UGT1A7: variants seen among roughly 807,000 people sequenced by gnomAD.
UGT1A7 encodes UDP glucuronosyltransferase family 1 member A7, also known as UDP-glucuronosyltransferase 1A7.
In UGT1A7, 33 loss-of-function variants were observed where a neutral mutation model predicts 45.6. That is an observed-to-expected ratio of 0.72 (90% CI 0.55 to 0.97). UGT1A7 has a LOEUF of 0.97. Among genes scored for constraint, UGT1A7 ranks in the 50% least tolerant of loss-of-function variants. UGT1A7 has a pLI of 0.00. For synonymous variants in UGT1A7, 274 were observed against 250.6 expected, an observed-to-expected ratio of 1.09 and a Z score of -0.88; for missense variants, 684 against 666.2, an observed-to-expected ratio of 1.03 and a Z score of -0.29.
chr2:233,724,329 G>A (rs1291101719), intron 1 of UGT1A7, among the ~76,000 whole-genome samples: 36 of 143,834 alleles, frequency 2.5e-4, no homozygotes, highest in African/African-American at 9.0e-4. Context: ...GGCTGGCCAG[G>A]CGGGGGGCTG....
At chr2:233,698,042 AGTT>A (rs2075422971) in intron 1 of UGT1A7, among the ~76,000 whole-genome samples, 1 of 152,202 alleles carries the variant, frequency 6.6e-6, no homozygotes, top group Non-Finnish European at 1.5e-5. Context: ...TTTTTCAAAA[AGTT>A]GTACTCAGTT....
intron 1 of UGT1A7, chr2:233,738,996 C>T (rs1041933241): frequency 6.6e-6 from 1 of 152,238 alleles, no homozygotes; most frequent in African/African-American, 2.4e-5. Context: ...GACTTGGTGC[C>T]CTGTGTCCCA....
At chr2:233,743,189 T>C in intron 1 of UGT1A7, 3 of 374,868 alleles carry the variant, frequency 8.0e-6, no homozygotes, top group Non-Finnish European at 1.6e-5. Context: ...GGACTGGAAT[T>C]ACTTGGTGTC....
At position 233,750,714 on chromosome 2, in the gene UGT1A7, G is replaced by A. The variant is rs569716311; in HGVS notation, c.856-16320G>A. On this transcript the variant is annotated intron_variant, in intron 1 of 4. Coordinates refer to ENST00000373426, the MANE Select transcript of UGT1A7 (RefSeq NM_019077.3). ...TAAAAGAGGCCAAGGTAGAGCTCAG[G>A]CCATTGCTTCAGAGGGTGCAAACCT... The A allele has an allele frequency of 6.6e-5, 10 of 152,072 alleles. No individual in the cohort carries two copies. In the South Asian group the frequency reaches 8.3e-4, roughly 13 times the overall value. The allele number at this position is 152,072 out of a possible 1,614,324, so 9.4% of individuals were successfully genotyped here. A position where few individuals can be genotyped will look rare whatever the true frequency, so the allele number is the denominator to read the frequency against.
chr2:233,727,615 G>A (rs1416380597), intron 1 of UGT1A7, among the ~76,000 whole-genome samples: 1 of 152,148 alleles, frequency 6.6e-6, no homozygotes, highest in Non-Finnish European at 1.5e-5. Flanking sequence ...TAGTTCAGAG[G>A]CTGAGAGGTT....
At chr2:233,707,711 C>T (rs4663325) in intron 1 of UGT1A7, among the ~76,000 whole-genome samples, 22,514 of 152,132 alleles carry the variant, frequency 0.15, 1,958 homozygotes, top group South Asian at 0.24. Flanking sequence ...CTTTTCACTA[C>T]TGTGAACAAT....
chr2:233,703,111 T>C (rs2075722955), intron 1 of UGT1A7, among the ~76,000 whole-genome samples: 1 of 152,236 alleles, frequency 6.6e-6, no homozygotes, highest in Admixed American at 6.5e-5. Flanking sequence ...AAATTACTAA[T>C]TTAATCTTTT....
intron 1 of UGT1A7, among the ~76,000 whole-genome samples, chr2:233,757,643 G>A (rs955610345): frequency 6.7e-6 from 1 of 150,102 alleles, no homozygotes; most frequent in African/African-American, 2.5e-5. Context: ...AGAACAAAAT[G>A]CTGTTTTTCT....
intron 1 of UGT1A7, chr2:233,761,197 G>T (rs369591851): frequency 8.1e-6 from 13 of 1,614,114 alleles, no homozygotes; most frequent in Non-Finnish European, 1.1e-5. Flanking sequence ...TCTTTCAGAT[G>T]TATTACTTTG....
In UGT1A7 at chr2:233,743,176, T is replaced by C. The variant is rs28900375; in HGVS notation, c.856-23858T>C. 1,765 of 366,612 alleles carry C rather than the reference T, an allele frequency of 4.8e-3. 64 individuals are homozygous for C. The highest frequency in any genetic ancestry group is 0.035 in the African/African-American group (1,636 of 46,622). 22.7% of individuals were successfully genotyped at this position (366,612 alleles called of 1,614,324 possible). On this transcript the variant is annotated intron_variant, in intron 1 of 4. Coordinates refer to ENST00000373426, the MANE Select transcript of UGT1A7 (RefSeq NM_019077.3). The stretch of plus-strand genomic sequence containing the variant: ...TCCTCCAGATGTGCTTAAAGTCAAA[T>C]GTGGACTGGAATTACTTGGTGTCAA...
intron 1 of UGT1A7, among the ~76,000 whole-genome samples, chr2:233,744,910 G>A (rs1048974476): frequency 2.6e-5 from 4 of 151,812 alleles, no homozygotes; most frequent in Non-Finnish European, 5.9e-5. Context: ...AAATCTAGAT[G>A]CTCAAGCTCC....
At chr2:233,755,026 G>C (rs776900288) in intron 1 of UGT1A7, 1 of 1,306,868 alleles carries the variant, frequency 7.7e-7, no homozygotes, top group Admixed American at 1.9e-5. Context: ...TCCTTGAAGG[G>C]CCTGCCGCCT....
intron 1 of UGT1A7, among the ~76,000 whole-genome samples, chr2:233,705,148 A>AAG (rs939982250): frequency 1.6e-4 from 24 of 150,886 alleles, no homozygotes; most frequent in Admixed American, 1.5e-3. Flanking sequence ...AAAAAAAAAA[A>AAG]AGAGAGAGAG....
At chr2:233,766,701 C>T (rs1699231181) in intron 1 of UGT1A7, among the ~76,000 whole-genome samples, 1 of 152,122 alleles carries the variant, frequency 6.6e-6, no homozygotes, top group Admixed American at 6.5e-5. Flanking sequence ...ATGCCTTGCT[C>T]TGTGTTCTCT....
intron 1 of UGT1A7, chr2:233,755,528 C>G (rs1695950556): frequency 6.3e-6 from 1 of 159,796 alleles, no homozygotes; most frequent in South Asian, 1.8e-4. Flanking sequence ...CGGCCTCCAA[C>G]CAGCCATGGT....
chr2:233,738,320 T>C (rs1202605644), intron 1 of UGT1A7, among the ~76,000 whole-genome samples: 5 of 152,210 alleles, frequency 3.3e-5, no homozygotes, highest in Admixed American at 3.3e-4. Context: ...AGTGTGTGAA[T>C]GGACTAATAC....
intron 1 of UGT1A7, among the ~76,000 whole-genome samples, chr2:233,716,476 C>T: frequency 6.6e-6 from 1 of 152,028 alleles, no homozygotes; most frequent in Non-Finnish European, 1.5e-5. Flanking sequence ...TGTTTCTGTC[C>T]TCCGTAGTCT....
At chr2:233,743,809 AGGGTTTTTGTC>A in intron 1 of UGT1A7, 1 of 1,367,146 alleles carries the variant, frequency 7.3e-7, no homozygotes, top group Non-Finnish European at 9.8e-7. Context: ...CCTTGTTCTC[AGGGTTTTTGTC>A]GGGGTGCCAC....
Position 233,681,979 on chromosome 2 carries a change from GT to G in UGT1A7, c.43del (p.Cys15ValfsTer4), listed in dbSNP as rs765305021. Reference sequence around the variant, plus strand: ...GGACTGGCCTCCTTCCCCTATATGTGTGTCTACTGCTGACCTGTGGCTTTGC... The same window carrying G: ...GGACTGGCCTCCTTCCCCTATATGTGGTCTACTGCTGACCTGTGGCTTTGC... ...GWTGLLPLYVCLLLTCGFAKA... is the reference protein window; with the variant it reads ...GWTGLLPLYVXLLLTCGFAKA... On this transcript the variant is annotated frameshift_variant, in exon 1 of 5. Coordinates refer to ENST00000373426, the MANE Select transcript of UGT1A7 (RefSeq NM_019077.3). LOFTEE classifies it high-confidence loss of function. The G allele has an allele frequency of 6.2e-7, 1 of 1,614,162 alleles. No homozygotes were observed. The highest frequency in any genetic ancestry group is 8.5e-7 in the Non-Finnish European group (1 of 1,180,018).
Sources: allele counts gnomAD v4.1 joint callset (sites outside exome capture counted in the v4.1 genomes callset), GRCh38; gene constraint gnomAD v4.1.1; transcripts MANE v1.5; gene names NCBI Gene and HGNC (gene_info 2026-07-23, HGNC 2026-07-21).